NCKAP5: variants seen among roughly 807,000 people sequenced by gnomAD.
NCKAP5 encodes the protein NCK associated protein 5.
NCKAP5 carries 92 observed loss-of-function variants against 167.0 expected under a neutral mutation model. That is an observed-to-expected ratio of 0.55 (90% CI 0.47 to 0.66). The LOEUF is 0.66. Among genes scored for constraint, NCKAP5 ranks in the 30% least tolerant of loss-of-function variants. NCKAP5 has a pLI of 0.00. For missense variants in NCKAP5, 2,378 were observed against 2,315.0 expected, an observed-to-expected ratio of 1.03 and a Z score of -0.56; for synonymous variants, 891 against 877.4, an observed-to-expected ratio of 1.02 and a Z score of -0.27.
intron 8 of NCKAP5, among the ~76,000 whole-genome samples, chr2:132,951,258 C>T (rs2076178863): frequency 6.6e-6 from 1 of 152,116 alleles, no homozygotes; most frequent in African/African-American, 2.4e-5. Context: ...TGAGCCTGCC[C>T]TGGGTGTGCT....
At chr2:133,156,399 C>T (rs2083579187) in intron 5 of NCKAP5, among the ~76,000 whole-genome samples, 1 of 152,172 alleles carries the variant, frequency 6.6e-6, no homozygotes, top group African/African-American at 2.4e-5. Flanking sequence ...TACTTCATTT[C>T]TGTATCTCCA....
At chr2:133,034,021 T>C (rs997676315) in intron 6 of NCKAP5, among the ~76,000 whole-genome samples, 2 of 152,014 alleles carry the variant, frequency 1.3e-5, no homozygotes, top group African/African-American at 4.8e-5. Flanking sequence ...AAGAAGGTTA[T>C]AGAATACCAA....
intron 8 of NCKAP5, among the ~76,000 whole-genome samples, chr2:132,958,725 T>C (rs954923018): frequency 5.3e-5 from 8 of 152,178 alleles, no homozygotes; most frequent in African/African-American, 1.4e-4. Flanking sequence ...AGCTGCCTCC[T>C]CTTGCAATGT....
chr2:133,613,019 G>A, the NCKAP5 span, among the ~76,000 whole-genome samples: 6 of 152,152 alleles, frequency 3.9e-5, no homozygotes, highest in Non-Finnish European at 8.8e-5. Flanking sequence ...AGTTTCTGAG[G>A]GCTAAGAGGA....
chr2:133,050,083 T>C (rs2079549753), intron 6 of NCKAP5, among the ~76,000 whole-genome samples: 1 of 152,210 alleles, frequency 6.6e-6, no homozygotes, highest in South Asian at 2.1e-4. Flanking sequence ...CACCCATTGT[T>C]CTTCCTGGTA....
upstream of NCKAP5, among the ~76,000 whole-genome samples, chr2:133,572,948 A>T (rs1313969114): frequency 6.6e-6 from 1 of 152,234 alleles, no homozygotes; most frequent in Non-Finnish European, 1.5e-5. Context: ...ACAATCAGAC[A>T]TTGATAAAGA....
At chr2:133,624,376 G>A in the NCKAP5 span, among the ~76,000 whole-genome samples, 1 of 151,830 alleles carries the variant, frequency 6.6e-6, no homozygotes, top group Admixed American at 6.6e-5. Flanking sequence ...TGTTCCTCAC[G>A]TCTCATCTCT....
chr2:133,537,219 A>C (rs1685831640), intron 2 of NCKAP5, among the ~76,000 whole-genome samples: 1 of 152,038 alleles, frequency 6.6e-6, no homozygotes, highest in Non-Finnish European at 1.5e-5. Flanking sequence ...GTAGGTTTGA[A>C]ATTGGAGGTG....
At chr2:132,879,147 T>G (rs1014030144) in intron 8 of NCKAP5, among the ~76,000 whole-genome samples, 3 of 152,228 alleles carry the variant, frequency 2.0e-5, no homozygotes, top group Non-Finnish European at 4.4e-5. Flanking sequence ...AAACTTGATA[T>G]TCTGAACAGG....
chr2:132,868,170 G>C (rs1690507007), intron 10 of NCKAP5, among the ~76,000 whole-genome samples: 1 of 152,134 alleles, frequency 6.6e-6, no homozygotes, highest in South Asian at 2.1e-4. Context: ...TTTTGGAGAA[G>C]TCTCTATTTC....
At chr2:133,647,424 A>AGG in the NCKAP5 span, among the ~76,000 whole-genome samples, 2,857 of 90,430 alleles carry the variant, frequency 0.032, 228 homozygotes, top group African/African-American at 0.077. Flanking sequence ...AGGAAGAGAA[A>AGG]GAAAGGAAGA....
rs928292432 is a variant in NCKAP5 at position 133,016,588 on chromosome 2, C to T, written c.342-22349G>A. ...ATAGTGTTAATGCTATAGAAGAAAG[C>T]GCGGTCTGACGGCTATCTAAAATGA... On this transcript the variant is annotated intron_variant, in intron 6 of 19. Transcript: ENST00000409261. 4.6e-5 allele frequency among the ~76,000 whole-genome samples: 7 copies of T among 152,142 alleles called. No individual in the cohort carries two copies. The South Asian group carries it at 8.3e-4, about 18-fold the overall frequency.
intron 6 of NCKAP5, among the ~76,000 whole-genome samples, chr2:133,096,732 G>A (rs1018517089): frequency 6.6e-6 from 1 of 152,092 alleles, no homozygotes. Flanking sequence ...CTGAAATAGG[G>A]TATACAGTGG....
rs750093461 is a variant in NCKAP5 at position 132,731,944 on chromosome 2, C to T, written c.5236G>A (p.Glu1746Lys). The T allele has an allele frequency of 9.3e-6, 15 of 1,613,888 alleles. No homozygotes were observed. Among genetic ancestry groups the T allele is most frequent in the Non-Finnish European group, 1.3e-5 (15 of 1,179,868 alleles). Residue 1746 changes from glutamate (E) to lysine (K), a missense_variant, in exon 17 of 20, where the codon GAG (glutamate) becomes AAG (lysine). Around this residue, in one of 3 missense-constraint regions of NCKAP5, gnomAD observed 1,325 missense variants for 1,274.5 expected, o/e 1.04. Transcript: ENST00000409261. ...GRYLCQPDSP[E>K]DAEPLLPLQS... is the part of the protein sequence containing the mutation. The stretch of plus-strand genomic sequence containing the variant: ...AGAGGCAGGAGAGGCTCAGCGTCCT[C>T]TGGGGAGTCTGGCTGGCATAGGTAG...
At chr2:133,523,307 C>A (rs917993900) in intron 2 of NCKAP5, among the ~76,000 whole-genome samples, 4 of 148,294 alleles carry the variant, frequency 2.7e-5, no homozygotes, top group Non-Finnish European at 6.1e-5. Context: ...CAGTCACACA[C>A]ACACACACAC....
chr2:133,643,392 A>C, the NCKAP5 span, among the ~76,000 whole-genome samples: 2 of 152,158 alleles, frequency 1.3e-5, no homozygotes, highest in African/African-American at 4.8e-5. Flanking sequence ...TCTGACTAGC[A>C]AACTTTCTCT....
At chr2:132,859,857 G>A (rs1689749626) in intron 11 of NCKAP5, among the ~76,000 whole-genome samples, 1 of 152,152 alleles carries the variant, frequency 6.6e-6, no homozygotes, top group African/African-American at 2.4e-5. Flanking sequence ...ATGTTTCCCT[G>A]CAGTGGGACA....
At chr2:133,163,794 A>C (rs1004706393) in intron 5 of NCKAP5, among the ~76,000 whole-genome samples, 1 of 152,088 alleles carries the variant, frequency 6.6e-6, no homozygotes, top group African/African-American at 2.4e-5. Flanking sequence ...CTTGAACTTC[A>C]ACTTTTAGTT....
chr2:132,810,237 T>A (rs1241505113), intron 11 of NCKAP5, among the ~76,000 whole-genome samples: 1 of 152,236 alleles, frequency 6.6e-6, no homozygotes, highest in Non-Finnish European at 1.5e-5. Flanking sequence ...GATAGCCTGA[T>A]GACAATGTGC....
Sources: gnomAD v4.1 joint callset for allele counts (sites outside exome capture counted in the v4.1 genomes callset) on GRCh38, gnomAD v4.1.1 for gene constraint, gnomAD v4.1.1 regional missense constraint, MANE v1.5 for transcripts, NCBI Gene and HGNC (gene_info 2026-07-23, HGNC 2026-07-21) for gene names.